SPATA17: variants seen among roughly 807,000 people sequenced by gnomAD.
The protein encoded by SPATA17 is spermatogenesis-associated protein 17.
In SPATA17, 53 loss-of-function variants were observed where a neutral mutation model predicts 62.2. The observed-to-expected ratio is 0.85, with a 90% CI of 0.68 to 1.07. SPATA17 has a LOEUF of 1.07. Ranked by LOEUF, SPATA17 falls within the 50% of genes least tolerant of loss-of-function variation. SPATA17 has a pLI of 0.00. For missense variants in SPATA17, 466 were observed against 425.5 expected (o/e 1.10, Z -0.84); for synonymous variants, 146 against 146.8 (o/e 0.99, Z 0.04).
At chr1:217,704,364 C>G (rs543459457) in intron 5 of SPATA17, among the ~76,000 whole-genome samples, 1 of 149,200 alleles carries the variant, frequency 6.7e-6, no homozygotes, top group Non-Finnish European at 1.5e-5. Flanking sequence ...CATTCTCCTG[C>G]CTCAGCCTCC....
rs12035909 is a variant in SPATA17 at position 217,683,280 on chromosome 1, A to G, written c.314A>G (p.Tyr105Cys). Residue 105 changes from tyrosine to cysteine, a missense_variant, in exon 5 of 11, where the codon TAT (tyrosine) becomes TGT (cysteine). Coordinates refer to ENST00000366933, the MANE Select transcript of SPATA17 (RefSeq NM_138796.4). ...TAGATTCAGAGACGATGGCGAGGCT[A>G]TAGGGTTCGGAAGTACCTCTTTAAT... The part of the protein sequence containing the change: ...AVRIQRRWRG[Y>C]RVRKYLFNYY... 18,131 of 1,608,144 alleles carry G rather than the reference A, an allele frequency of 0.011. 235 individuals carry two copies. The highest frequency in any genetic ancestry group is 0.069 in the East Asian group (3,082 of 44,460).
intron 8 of SPATA17, among the ~76,000 whole-genome samples, chr1:217,786,426 T>G (rs1187350427): frequency 6.6e-6 from 1 of 152,020 alleles, no homozygotes; most frequent in African/African-American, 2.4e-5. Flanking sequence ...GCTGATGATG[T>G]GAAAAGGAAA....
chr1:217,668,036 C>T (rs959224600), intron 3 of SPATA17, among the ~76,000 whole-genome samples: 1 of 152,198 alleles, frequency 6.6e-6, no homozygotes, highest in South Asian at 2.1e-4. Context: ...ATATGAATTT[C>T]TGTTTGTCAT....
intron 3 of SPATA17, among the ~76,000 whole-genome samples, chr1:217,654,868 A>G (rs1400644378): frequency 2.0e-5 from 3 of 151,804 alleles, no homozygotes; most frequent in Non-Finnish European, 4.4e-5. Context: ...ACGTGCCACC[A>G]CGCCCGGCTA....
intron 9 of SPATA17, among the ~76,000 whole-genome samples, chr1:217,827,733 G>C (rs1157437913): frequency 6.6e-6 from 1 of 152,052 alleles, no homozygotes; most frequent in Non-Finnish European, 1.5e-5. Context: ...TCCTTTGCAG[G>C]GACATGGATG....
At chr1:217,651,276 T>C in intron 3 of SPATA17, 98 bp downstream of exon 3, 2 of 946,734 alleles carry the variant, frequency 2.1e-6, no homozygotes, top group Non-Finnish European at 3.1e-6. Context: ...AAATTACTGA[T>C]GATGAGTATT....
At chr1:217,769,570 C>A (rs1013079792) in intron 6 of SPATA17, among the ~76,000 whole-genome samples, 1 of 152,208 alleles carries the variant, frequency 6.6e-6, no homozygotes, top group Non-Finnish European at 1.5e-5. Flanking sequence ...CTTCAAGTTA[C>A]TTTTTCAACT....
intron 9 of SPATA17, among the ~76,000 whole-genome samples, chr1:217,819,344 G>A (rs1674804891): frequency 6.6e-6 from 1 of 151,826 alleles, no homozygotes. Flanking sequence ...TTGATGTCTT[G>A]TGGTTTTATT....
intron 3 of SPATA17, among the ~76,000 whole-genome samples, chr1:217,666,123 C>T (rs1015861678): frequency 1.3e-5 from 2 of 151,902 alleles, no homozygotes; most frequent in African/African-American, 2.4e-5. Flanking sequence ...TAATTTTCGC[C>T]CGAGATCTTT....
At chr1:217,737,490 T>G (rs916948728) in intron 5 of SPATA17, among the ~76,000 whole-genome samples, 5 of 152,056 alleles carry the variant, frequency 3.3e-5, no homozygotes, top group African/African-American at 1.2e-4. Context: ...AGAGAGAAGT[T>G]GAATTGTACC....
intron 4 of SPATA17, among the ~76,000 whole-genome samples, chr1:217,673,379 A>C (rs968653132): frequency 6.6e-5 from 10 of 152,078 alleles, no homozygotes; most frequent in African/African-American, 2.4e-4. Flanking sequence ...TTGCTCAGTA[A>C]ATTTTTATCT....
intron 9 of SPATA17, among the ~76,000 whole-genome samples, chr1:217,832,014 A>T (rs1675155027): frequency 6.6e-6 from 1 of 152,120 alleles, no homozygotes; most frequent in Non-Finnish European, 1.5e-5. Context: ...ACCTGTTTGA[A>T]TCTGAAGCTT....
chr1:217,752,384 C>A (rs1672937512), intron 6 of SPATA17, among the ~76,000 whole-genome samples: 1 of 152,094 alleles, frequency 6.6e-6, no homozygotes, highest in African/African-American at 2.4e-5. Context: ...TTTTAATGGC[C>A]TGATAATACC....
chr1:217,734,614 A>G (rs1571767169), intron 5 of SPATA17, among the ~76,000 whole-genome samples: 1 of 152,098 alleles, frequency 6.6e-6, no homozygotes, highest in Admixed American at 6.6e-5. Context: ...TTAGAATTTT[A>G]TTTTTTCTTA....
chr1:217,862,915 A>G, intron 10 of SPATA17, 59 bp downstream of exon 10: 1 of 1,122,498 alleles, frequency 8.9e-7, no homozygotes, highest in South Asian at 1.5e-5. Flanking sequence ...TTAAAAAATC[A>G]AATGGGGTTG....
chr1:217,642,672 T>C (rs1670092377), intron 1 of SPATA17, among the ~76,000 whole-genome samples: 1 of 152,168 alleles, frequency 6.6e-6, no homozygotes, highest in Admixed American at 6.5e-5. Context: ...CCTCACCAGA[T>C]CTGATGGTTT....
chr1:217,643,680 A>C (rs563320831), intron 1 of SPATA17, among the ~76,000 whole-genome samples: 6 of 151,858 alleles, frequency 4.0e-5, no homozygotes, highest in African/African-American at 1.4e-4. Flanking sequence ...AAGAGAAGTG[A>C]GGAGGAAGAG....
At chr1:217,676,902 A>G (rs1336860724) in intron 4 of SPATA17, among the ~76,000 whole-genome samples, 2 of 152,182 alleles carry the variant, frequency 1.3e-5, no homozygotes, top group African/African-American at 4.8e-5. Flanking sequence ...GATGTAATTA[A>G]TTGTTTCAAG....
At chr1:217,792,110 A>G (rs2102982509) in intron 8 of SPATA17, among the ~76,000 whole-genome samples, 1 of 152,286 alleles carries the variant, frequency 6.6e-6, no homozygotes, top group East Asian at 1.9e-4. Flanking sequence ...TGTTTGAAGA[A>G]AGTTTACAAA....
Sources: allele counts gnomAD v4.1 joint callset (sites outside exome capture counted in the v4.1 genomes callset), GRCh38; gene constraint gnomAD v4.1.1; transcripts MANE v1.5; gene names NCBI Gene and HGNC (gene_info 2026-07-23, HGNC 2026-07-21).